The following ZNF28 variants were observed in gnomAD, a reference collection of about 807,000 sequenced individuals.
The protein encoded by ZNF28 is zinc finger protein KOX24.
Under a neutral mutation model 7.2 loss-of-function variants are expected in ZNF28, and 5 were observed. The observed-to-expected ratio is 0.70, with a 90% CI of 0.36 to 1.46. The LOEUF (loss-of-function observed/expected upper bound fraction) is 1.46, where lower values mean the gene tolerates loss of function less well. Ranked by LOEUF, ZNF28 falls within the 40% of genes most tolerant of loss-of-function variation. The pLI is 0.03. For missense variants in ZNF28, 879 were observed against 866.6 expected (o/e 1.01, Z -0.18); for synonymous variants, 288 against 292.4 (o/e 0.99, Z 0.15).
At chr19:52,810,544 A>T in intron 2 of ZNF28, 1 of 1,596,426 alleles carries the variant, frequency 6.3e-7, no homozygotes, top group South Asian at 1.1e-5. Flanking sequence ...CCAACAGACC[A>T]GGCATCAGCA....
chr19:52,813,421 C>CTGGGTTGAGA (rs1568658837), intron 2 of ZNF28, among the ~76,000 whole-genome samples: 1,527 of 148,310 alleles, frequency 0.01, 104 homozygotes, highest in African/African-American at 0.021. Context: ...GCAAGCTGCT[C>CTGGGTTGAGA]CCCGTGTTTC....
intron 1 of ZNF28, 127 bp from the exon 2 acceptor site, chr19:52,818,158 G>A (rs547107837): frequency 2.4e-5 from 25 of 1,020,414 alleles, no homozygotes; most frequent in Admixed American, 5.8e-5. Context: ...ACCGCACCAC[G>A]AACAAAAAAT....
intron 2 of ZNF28, among the ~76,000 whole-genome samples, chr19:52,809,445 CAAA>C (rs2062983624): frequency 6.6e-6 from 1 of 151,822 alleles, no homozygotes; most frequent in South Asian, 2.1e-4. Context: ...TACTGGAACA[CAAA>C]GAAGAAAATA....
At chr19:52,807,318 A>T (rs187669586) in intron 3 of ZNF28, among the ~76,000 whole-genome samples, 19 of 152,304 alleles carry the variant, frequency 1.2e-4, no homozygotes, top group Non-Finnish European at 2.8e-4. Context: ...AAAATATTTC[A>T]CAAATTCCTC....
chr19:52,801,757 C>T, intron 3 of ZNF28, 55 bp from the exon 4 acceptor site: 1 of 1,472,720 alleles, frequency 6.8e-7, no homozygotes, highest in Non-Finnish European at 9.2e-7. Context: ...GTGTATAATA[C>T]TGAAATGTGT....
rs796304893 is a variant in ZNF28 at position 52,810,777 on chromosome 19, ACC to A, written c.16-2646_16-2645del. Reference sequence around the variant, plus strand: ...GGGGAAAAAAAAAGAATAAAAAAAAACCCAAAAAAAACAGAAGATGACCTTGA... The same window carrying A: ...GGGGAAAAAAAAAGAATAAAAAAAAACAAAAAAAACAGAAGATGACCTTGA... On this transcript the variant is annotated intron_variant, in intron 2 of 3. Coordinates refer to ENST00000457749, the MANE Select transcript of ZNF28 (RefSeq NM_006969.5). 8.0e-6 allele frequency: 4 copies of A among 499,248 alleles called. No homozygotes were observed. In the African/African-American group the frequency reaches 8.7e-5, roughly 11 times the overall value. 30.9% of individuals were successfully genotyped at this position (499,248 alleles called of 1,614,324 possible). A position where few individuals can be genotyped will look rare whatever the true frequency, so the allele number is the denominator to read the frequency against.
intron 1 of ZNF28, among the ~76,000 whole-genome samples, chr19:52,820,386 G>T (rs1478704976): frequency 8.0e-6 from 1 of 124,332 alleles, no homozygotes; most frequent in East Asian, 2.3e-4. Flanking sequence ...CAAAGTGCTG[G>T]GATTACAGGC....
At position 52,799,938 on chromosome 19, in the gene ZNF28, T is replaced by C. The variant is rs1165192001; in HGVS notation, c.1907A>G (p.Lys636Arg). 10 of 1,613,916 alleles carry C rather than the reference T, an allele frequency of 6.2e-6. No individual in the cohort carries two copies. The highest frequency in any genetic ancestry group is 8.5e-6 in the Non-Finnish European group (10 of 1,179,868). ...GAAGGTCTTGCCACACTCATTACAC[T>C]TGTAAGGTTTCTCTCCAGTATGAAG... The part of the protein sequence containing the change: ...RRLHTGEKPY[K>R]CNECGKTFSQ... Residue 636 changes from lysine (K) to arginine (R), a missense_variant, in exon 4 of 4, where the codon AAG becomes AGG. Lys to Arg is a conservative substitution (Grantham distance 26, BLOSUM62 2). This residue lies in a region of ZNF28 where 864 missense variants were observed against 830.2 expected (regional missense o/e 1.04). Transcript: ENST00000457749.
intron 2 of ZNF28, 126 bp downstream of exon 2, chr19:52,817,818 G>A: frequency 6.4e-7 from 1 of 1,554,868 alleles, no homozygotes; most frequent in Admixed American, 1.7e-5. Context: ...ACTGAAGGAA[G>A]GCATGGGTGA....
rs1054956053 is a variant in ZNF28, at chr19:52,801,685, T to A, written c.160A>T (p.Met54Leu). 8.7e-6 allele frequency: 14 copies of A among 1,611,490 alleles called. No individual in the cohort carries two copies. Among genetic ancestry groups the A allele is most frequent in the Admixed American group, 8.4e-5 (5 of 59,500 alleles). ...CCTGTTGAGAAGAATGTCTTCATCA[T>A]GCATTTGGAAGAGATATCTACAAAA... is the stretch of plus-strand genomic sequence containing the variant. ...LVSLDISSKC[M>L]MKTFFSTGQG... is the part of the protein sequence containing the mutation. Residue 54 changes from methionine (M) to leucine (L), a missense_variant, in exon 4 of 4, where the codon ATG (methionine) becomes TTG (leucine). Transcript: ENST00000457749.
At chr19:52,806,985 G>C (rs1407851461) in intron 3 of ZNF28, among the ~76,000 whole-genome samples, 3 of 152,138 alleles carry the variant, frequency 2.0e-5, no homozygotes, top group Non-Finnish European at 4.4e-5. Context: ...GAGATGTGAG[G>C]ATTTAAACTT....
chr19:52,806,193 AT>A (rs35456246), intron 3 of ZNF28, among the ~76,000 whole-genome samples: 118,452 of 151,390 alleles, frequency 0.78, 47,228 homozygotes, highest in Non-Finnish European at 0.87. Context: ...AGGTTACAGA[AT>A]TTTTTTTTTC....
intron 2 of ZNF28, chr19:52,809,792 GA>G (rs1016021249): frequency 1.2e-4 from 61 of 500,874 alleles, no homozygotes; most frequent in South Asian, 2.3e-4. Context: ...GTGACAGAGC[GA>G]AAAAAAAGGA....
At position 52,810,782 on chromosome 19, in the gene ZNF28, A is replaced by G; in HGVS notation, c.16-2649T>C. The G allele has an allele frequency of 5.4e-6, 2 of 370,152 alleles. 1 individual carries two copies. The highest frequency in any genetic ancestry group is 7.0e-5 in the East Asian group (2 of 28,602). The allele number at this position is 370,152 out of a possible 1,614,324, so 22.9% of individuals were successfully genotyped here. A position where few individuals can be genotyped will look rare whatever the true frequency, so the allele number is the denominator to read the frequency against. On this transcript the variant is annotated intron_variant, in intron 2 of 3. Coordinates refer to ENST00000457749, the MANE Select transcript of ZNF28 (RefSeq NM_006969.5). ...AAAAAAAAGAATAAAAAAAAACCCA[A>G]AAAAAACAGAAGATGACCTTGATGG... is the stretch of plus-strand genomic sequence containing the variant.
At chr19:52,809,873 C>T (rs948773585) in intron 2 of ZNF28, 12 of 685,938 alleles carry the variant, frequency 1.7e-5, no homozygotes, top group African/African-American at 5.4e-5. Flanking sequence ...GGCCTGCGGG[C>T]GGTCCGGGAT....
chr19:52,815,860 C>T (rs112493122), intron 2 of ZNF28, among the ~76,000 whole-genome samples: 3,178 of 146,756 alleles, frequency 0.022, 595 homozygotes, highest in African/African-American at 0.08. Context: ...CTGGCCTTGA[C>T]AACGGTGTGA....
intron 3 of ZNF28, 49 bp downstream of exon 3, chr19:52,807,958 A>T (rs2062957236): frequency 6.2e-7 from 1 of 1,610,214 alleles, no homozygotes. Context: ...AGGCAACAAG[A>T]GAAAATACAA....
intron 2 of ZNF28, among the ~76,000 whole-genome samples, chr19:52,813,367 G>A (rs1271082209): frequency 2.6e-5 from 4 of 151,902 alleles, no homozygotes; most frequent in Non-Finnish European, 4.4e-5. Context: ...GGCAGGGGGC[G>A]GCTTATTCAC....
At chr19:52,812,762 T>TAAA (rs56944474) in intron 2 of ZNF28, among the ~76,000 whole-genome samples, 1,042 of 74,938 alleles carry the variant, frequency 0.014, 5 homozygotes, top group Non-Finnish European at 0.016. Flanking sequence ...GAATGATCAA[T>TAAA]AAAAAAAAAA....
Sources: gnomAD v4.1 joint callset for allele counts (sites outside exome capture counted in the v4.1 genomes callset) on GRCh38, gnomAD v4.1.1 for gene constraint, gnomAD v4.1.1 regional missense constraint, MANE v1.5 for transcripts, NCBI Gene and HGNC (gene_info 2026-07-23, HGNC 2026-07-21) for gene names.